The following AHCTF1 variants were observed in gnomAD, a reference collection of about 807,000 sequenced individuals.
The protein encoded by AHCTF1 is AT-hook containing transcription factor 1, also known as protein ELYS.
AHCTF1 carries 24 observed loss-of-function variants against 248.4 expected under a neutral mutation model. The ratio of observed to expected loss-of-function variants is 0.10; its 90% CI spans 0.07 to 0.14. The LOEUF (loss-of-function observed/expected upper bound fraction) is 0.14. AHCTF1 is among the 10% of genes least tolerant of loss of function. AHCTF1 has a pLI of 1.00. For missense variants in AHCTF1, 2,206 were observed against 2,636.2 expected, an observed-to-expected ratio of 0.84 and a Z score of 3.57; for synonymous variants, 786 against 929.8, an observed-to-expected ratio of 0.85 and a Z score of 2.81.
chr1:246,869,030 GAGACGGGGTTTCACCA>G (rs1662314720), intron 24 of AHCTF1, among the ~76,000 whole-genome samples: 1 of 151,302 alleles, frequency 6.6e-6, no homozygotes, highest in Non-Finnish European at 1.5e-5. Context: ...ATTTTTAGTA[GAGACGGGGTTTCACCA>G]TGTTGGCCAG....
intron 30 of AHCTF1, among the ~76,000 whole-genome samples, chr1:246,856,984 A>C (rs1661154606): frequency 6.6e-6 from 1 of 152,236 alleles, no homozygotes; most frequent in South Asian, 2.1e-4. Context: ...TATCCTCTAC[A>C]ACGGTGTTAT....
chr1:246,905,500 AAAAACAAAAC>A (rs747994051), intron 6 of AHCTF1, 31 bp downstream of exon 6: 7 of 1,547,108 alleles, frequency 4.5e-6, no homozygotes, highest in African/African-American at 2.7e-5. Context: ...CTGTCTCCAA[AAAAACAAAAC>A]AAAACAAAAC....
chr1:246,852,894 A>G (rs976483855), intron 32 of AHCTF1, among the ~76,000 whole-genome samples, 197 bp downstream of exon 32: 1 of 152,118 alleles, frequency 6.6e-6, no homozygotes, highest in Non-Finnish European at 1.5e-5. Flanking sequence ...CCCACCTCCA[A>G]GGTTGATTTA....
intron 1 of AHCTF1, among the ~76,000 whole-genome samples, chr1:246,920,546 G>A (rs1438252314): frequency 4.6e-5 from 7 of 150,642 alleles, no homozygotes; most frequent in Non-Finnish European, 5.9e-5. Context: ...CTGAGGCGGC[G>A]AATCATGAGG....
At chr1:246,919,452 G>A (rs1007704548) in intron 1 of AHCTF1, among the ~76,000 whole-genome samples, 6 of 152,042 alleles carry the variant, frequency 3.9e-5, no homozygotes, top group Admixed American at 6.6e-5. Flanking sequence ...GGTGGCTCAC[G>A]CCTGTAATCC....
Position 246,839,229 on chromosome 1 carries a change from G to A in AHCTF1, c.*1577C>T, listed in dbSNP as rs1477205063. 3 of 151,906 alleles carry A rather than the reference G, an allele frequency of 2.0e-5. No homozygotes were observed. Among genetic ancestry groups the A allele is most frequent in the African/African-American group, 7.3e-5 (3 of 41,368 alleles). The allele number at this position is 151,906 out of a possible 1,614,324, so 9.4% of individuals were successfully genotyped here. A position where few individuals can be genotyped will look rare whatever the true frequency, so the allele number is the denominator to read the frequency against. On this transcript the variant is annotated 3_prime_UTR_variant, in exon 36 of 36. Coordinates refer to ENST00000648844, the MANE Select transcript of AHCTF1 (RefSeq NM_001323342.2). ...TGCTTATGATCTACATTCACGGAGG[G>A]GGGAAAAAAAGTACACTTATTAAAA... is the stretch of plus-strand genomic sequence containing the variant.
At chr1:246,860,258 ACT>A (rs1661438776) in intron 29 of AHCTF1, among the ~76,000 whole-genome samples, 1 of 151,994 alleles carries the variant, frequency 6.6e-6, no homozygotes, top group Non-Finnish European at 1.5e-5. Flanking sequence ...ACAGAGTGAG[ACT>A]CTGTCTCAAA....
intron 24 of AHCTF1, among the ~76,000 whole-genome samples, chr1:246,868,051 C>A (rs1558229940): frequency 6.6e-6 from 1 of 151,832 alleles, no homozygotes; most frequent in Non-Finnish European, 1.5e-5. Context: ...CACCCTCTGC[C>A]TCCTGGGTTC....
rs368992959 is a variant in AHCTF1, at chr1:246,849,173, T to C, written c.6391+442A>G. On this transcript the variant is annotated intron_variant, in intron 33 of 35. Coordinates refer to ENST00000648844, the MANE Select transcript of AHCTF1 (RefSeq NM_001323342.2). ...TGTAGATGCGCCAGTTTGTGGGCAA[T>C]AGTGAATATGGATTGAAATAATTTC... Among the ~76,000 whole-genome samples the C allele has an allele frequency of 2.2e-4, 33 of 152,320 alleles. No homozygotes were observed. The East Asian group carries it at 5.0e-3, about 23-fold the overall frequency.
At chr1:246,929,403 C>T (rs1231665930) in intron 1 of AHCTF1, among the ~76,000 whole-genome samples, 2 of 113,934 alleles carry the variant, frequency 1.8e-5, no homozygotes, top group Non-Finnish European at 3.5e-5. Flanking sequence ...AGTGAGACTC[C>T]GTCTCAAAAA....
Position 246,931,939 on chromosome 1 carries a change from C to T in AHCTF1, c.-369G>A, listed in dbSNP as rs1336451146. ...CCCCGCTCTGCGCATTACCCTGCGC[C>T]GACAAAACCGAGTTCCACACGCCCC... On this transcript the variant is annotated 5_prime_UTR_variant, in exon 1 of 36. Coordinates refer to ENST00000648844, the MANE Select transcript of AHCTF1 (RefSeq NM_001323342.2). 1 of 150,142 alleles carries T rather than the reference C, an allele frequency of 6.7e-6. No homozygotes were observed. Among genetic ancestry groups the T allele is most frequent in the Non-Finnish European group, 1.5e-5 (1 of 67,360 alleles). 9.3% of individuals were successfully genotyped at this position (150,142 alleles called of 1,614,324 possible).
At position 246,850,210 on chromosome 1, in the gene AHCTF1, A is replaced by G; in HGVS notation, c.5796T>C (p.Ile1932=). 6.2e-7 allele frequency: 1 copy of G among 1,613,914 alleles called. No individual in the cohort carries two copies. The highest frequency in any genetic ancestry group is 1.1e-5 in the South Asian group (1 of 91,068). ...DDKSSDKQLR[I]KHVRRVRGRE... is the part of the protein sequence containing the mutation. ...TCCCTCTGACCCTTCTAACATGTTT[A>G]ATACGCAGCTGCTTGTCACTGGATT... Residue 1932 remains isoleucine (I), a synonymous_variant, in exon 33 of 36, where the codon ATT becomes ATC. Coordinates refer to ENST00000648844, the MANE Select transcript of AHCTF1 (RefSeq NM_001323342.2).
At chr1:246,866,729 A>C (rs1470733441) in intron 26 of AHCTF1, among the ~76,000 whole-genome samples, 1 of 152,220 alleles carries the variant, frequency 6.6e-6, no homozygotes, top group Non-Finnish European at 1.5e-5. Flanking sequence ...TCTGTGGTAC[A>C]TAATTATGAA....
intron 21 of AHCTF1, among the ~76,000 whole-genome samples, chr1:246,884,316 A>G (rs1663659303): frequency 6.9e-6 from 1 of 144,086 alleles, no homozygotes; most frequent in Non-Finnish European, 1.5e-5. Flanking sequence ...TAATCAATCT[A>G]TTATTAAACT....
At chr1:246,889,705 AG>A (rs1201823513) in intron 17 of AHCTF1, among the ~76,000 whole-genome samples, 1 of 152,338 alleles carries the variant, frequency 6.6e-6, no homozygotes, top group East Asian at 1.9e-4. Context: ...CTGCAACTCG[AG>A]GAAGACGACT....
intron 27 of AHCTF1, 62 bp downstream of exon 27, chr1:246,863,862 T>C (rs1661752903): frequency 6.6e-7 from 1 of 1,526,430 alleles, no homozygotes; most frequent in Non-Finnish European, 9.0e-7. Flanking sequence ...TTTTTCTCCT[T>C]GCTACTTGAA....
intron 1 of AHCTF1, among the ~76,000 whole-genome samples, chr1:246,919,633 A>C (rs1407572093): frequency 2.0e-5 from 3 of 151,608 alleles, no homozygotes; most frequent in African/African-American, 7.3e-5. Flanking sequence ...GAATCACTTG[A>C]ACCCAGGAGG....
chr1:246,873,238 T>C (rs938315568), intron 24 of AHCTF1, among the ~76,000 whole-genome samples: 7 of 152,170 alleles, frequency 4.6e-5, no homozygotes, highest in African/African-American at 1.7e-4. Flanking sequence ...ATTACTCTTC[T>C]GTAAAAGAAA....
chr1:246,850,563 T>C lies in AHCTF1; in HGVS notation c.5443A>G (p.Lys1815Glu). 1 of 1,609,728 alleles carries C rather than the reference T, an allele frequency of 6.2e-7. No homozygotes were observed. Among genetic ancestry groups the C allele is most frequent in the Admixed American group, 1.7e-5 (1 of 59,390 alleles). The change falls in exon 33 of 36, where the codon AAG (lysine) becomes GAG (glutamate). Residue 1815 changes from lysine (K) to glutamate (E), a missense_variant. Physicochemically the swap from Lys to Glu is moderately conservative, Grantham distance 56. Transcript: ENST00000648844. ...NSVTPRRGRRKKEVNQDILEN... is the reference protein window; with the variant it reads ...NSVTPRRGRREKEVNQDILEN... ...AGTATGTCCTGATTAACTTCTTTCT[T>C]TCTCCTTCCTCTCCTAGGCGTAACA...
Sources: gnomAD v4.1 joint callset for allele counts (sites outside exome capture counted in the v4.1 genomes callset) on GRCh38, gnomAD v4.1.1 for gene constraint, MANE v1.5 for transcripts, NCBI Gene and HGNC (gene_info 2026-07-23, HGNC 2026-07-21) for gene names.